EPAS1: variants seen among roughly 807,000 people sequenced by gnomAD.
EPAS1 encodes endothelial PAS domain-containing protein 1.
Under a neutral mutation model 87.9 loss-of-function variants are expected in EPAS1, and 23 were observed. That is an observed-to-expected ratio of 0.26 (90% CI 0.19 to 0.37). The LOEUF is 0.37. Ranked by LOEUF, EPAS1 falls within the 10% of genes least tolerant of loss-of-function variation. EPAS1 has a pLI of 1.00. For synonymous variants in EPAS1, 508 were observed against 444.3 expected (o/e 1.14, Z -1.80); for missense variants, 1,138 against 1,120.7 (o/e 1.02, Z -0.22).
At chr2:46,351,224 G>A (rs1684138243) in intron 2 of EPAS1, among the ~76,000 whole-genome samples, 1 of 152,210 alleles carries the variant, frequency 6.6e-6, no homozygotes, top group Non-Finnish European at 1.5e-5. Flanking sequence ...TACTGACTTT[G>A]TTCAGATCAT....
Position 46,302,757 on chromosome 2 carries a change from A to G in EPAS1, c.26+4820A>G, listed in dbSNP as rs906814317. ...AGGAAAAAAAAAAAAAAAAAAAAAA[A>G]AGAGATACAAGGAAGCTTAAGTAAA... is the stretch of plus-strand genomic sequence containing the variant. On this transcript the variant is annotated intron_variant, in intron 1 of 15. Coordinates refer to ENST00000263734, the MANE Select transcript of EPAS1 (RefSeq NM_001430.5). 5.4e-4 allele frequency among the ~76,000 whole-genome samples: 77 copies of G among 143,536 alleles called. 2 individuals carry two copies. Among genetic ancestry groups the G allele is most frequent in the Admixed American group, 1.7e-3 (24 of 13,990 alleles). The allele number at this position is 143,536 out of a possible 152,430, so 94.2% of individuals were successfully genotyped here. A position where few individuals can be genotyped will look rare whatever the true frequency, so the allele number is the denominator to read the frequency against.
intron 2 of EPAS1, among the ~76,000 whole-genome samples, chr2:46,348,163 T>C (rs1418629860): frequency 2.0e-5 from 3 of 151,996 alleles, no homozygotes; most frequent in Admixed American, 6.6e-5. Context: ...TTTCAGAAAA[T>C]AGGACGACAG....
At chr2:46,313,162 G>C (rs375126628) in intron 1 of EPAS1, among the ~76,000 whole-genome samples, 2 of 152,188 alleles carry the variant, frequency 1.3e-5, no homozygotes, top group Non-Finnish European at 1.5e-5. Context: ...TGGGAAAAAG[G>C]CTTTGAGTGC....
chr2:46,383,383 C>T (rs945987996), intron 15 of EPAS1, among the ~76,000 whole-genome samples: 20 of 152,346 alleles, frequency 1.3e-4, no homozygotes, highest in Middle Eastern at 3.4e-3. Context: ...TTGACAGTAT[C>T]TTGTGAAACA....
At chr2:46,316,580 T>C (rs969249899) in intron 1 of EPAS1, among the ~76,000 whole-genome samples, 1 of 152,184 alleles carries the variant, frequency 6.6e-6, no homozygotes, top group African/African-American at 2.4e-5. Context: ...TATACCTTAA[T>C]TTAAAAATAT....
intron 4 of EPAS1, among the ~76,000 whole-genome samples, chr2:46,359,729 A>AC (rs1316302030): frequency 1.2e-4 from 18 of 152,230 alleles, no homozygotes; most frequent in African/African-American, 3.9e-4. Flanking sequence ...TATTCGAAAC[A>AC]AGGCTCTAGA....
intron 9 of EPAS1, among the ~76,000 whole-genome samples, chr2:46,377,007 C>T (rs1045896791): frequency 3.9e-5 from 6 of 152,178 alleles, no homozygotes; most frequent in Admixed American, 6.5e-5. Context: ...GAGGACACCC[C>T]CCTGAGGGTC....
Position 46,381,735 on chromosome 2 carries a change from C to G in EPAS1, c.2172+13C>G, listed in dbSNP as rs2103676247. On this transcript the variant is annotated intron_variant, in intron 13 of 15. Coordinates refer to ENST00000263734, the MANE Select transcript of EPAS1 (RefSeq NM_001430.5). ...GGACCTGAGCGGGGTGAGTCATCCC[C>G]ACTGGCCACAGGGGCCTCTCCATAG... 1 of 1,613,580 alleles carries G rather than the reference C, an allele frequency of 6.2e-7. No individual in the cohort carries two copies. Among genetic ancestry groups the G allele is most frequent in the Admixed American group, 1.7e-5 (1 of 60,016 alleles).
At chr2:46,303,367 G>A (rs1412091499) in intron 1 of EPAS1, among the ~76,000 whole-genome samples, 2 of 152,192 alleles carry the variant, frequency 1.3e-5, no homozygotes, top group East Asian at 1.9e-4. Context: ...GAGGGCTAAC[G>A]AGAGGAAAGA....
intron 4 of EPAS1, among the ~76,000 whole-genome samples, chr2:46,358,898 A>G (rs980270107): frequency 1.2e-4 from 19 of 152,166 alleles, no homozygotes; most frequent in African/African-American, 2.9e-4. Flanking sequence ...ACTTTATTCC[A>G]TAGACAATGG....
chr2:46,320,192 G>C (rs1683425981), intron 1 of EPAS1, among the ~76,000 whole-genome samples: 1 of 152,184 alleles, frequency 6.6e-6, no homozygotes, highest in Non-Finnish European at 1.5e-5. Context: ...AAAAGTTAAA[G>C]AGAGAAACTA....
At chr2:46,352,831 G>A (rs1288872176) in intron 2 of EPAS1, among the ~76,000 whole-genome samples, 3 of 152,160 alleles carry the variant, frequency 2.0e-5, no homozygotes, top group Admixed American at 6.5e-5. Context: ...GTTACCCTTC[G>A]TGGCCCTAGA....
intron 10 of EPAS1, 50 bp downstream of exon 10, chr2:46,378,137 A>T (rs1302662082): frequency 6.5e-7 from 1 of 1,549,682 alleles, no homozygotes; most frequent in East Asian, 2.4e-5. Context: ...CGTATGTATG[A>T]CTGCTGCCAG....
chr2:46,364,568 T>C (rs1684465313), intron 6 of EPAS1, among the ~76,000 whole-genome samples: 1 of 152,236 alleles, frequency 6.6e-6, no homozygotes, highest in Non-Finnish European at 1.5e-5. Context: ...TGTCCTCCTG[T>C]TAATGAGGGA....
intron 13 of EPAS1, 118 bp downstream of exon 13, chr2:46,381,840 C>T: frequency 1.3e-6 from 2 of 1,560,852 alleles, no homozygotes; most frequent in Non-Finnish European, 1.7e-6. Context: ...GAACCCAGGG[C>T]TGCTGAGAGG....
intron 1 of EPAS1, 31 bp downstream of exon 1, chr2:46,297,968 C>T (rs1208205354): frequency 1.2e-6 from 2 of 1,610,472 alleles, no homozygotes; most frequent in East Asian, 2.2e-5. Context: ...ATCAGGGGGC[C>T]GGTCCGAGGC....
intron 2 of EPAS1, among the ~76,000 whole-genome samples, chr2:46,353,822 C>T (rs146526355): frequency 5.5e-4 from 84 of 152,320 alleles, no homozygotes; most frequent in Admixed American, 3.1e-3. Context: ...CCAGGCTAGC[C>T]GCCTGAACCA....
chr2:46,375,582 C>A lies in EPAS1; in HGVS notation c.887-108C>A. ...GTCCTCACTGTCGTGGCGCCCTGTT[C>A]TGTCTGTTCCCCTGCAGATTAGACT... On this transcript the variant is annotated intron_variant, in intron 7 of 15. Coordinates refer to ENST00000263734, the MANE Select transcript of EPAS1 (RefSeq NM_001430.5). The surrounding 1 kb of genome is among the most constrained non-coding windows in gnomAD (Gnocchi z 4.1). 1 of 1,394,838 alleles carries A rather than the reference C, an allele frequency of 7.2e-7. No individual in the cohort carries two copies. The highest frequency in any genetic ancestry group is 1.2e-5 in the South Asian group (1 of 80,490). 86.4% of individuals were successfully genotyped at this position (1,394,838 alleles called of 1,614,324 possible).
At chr2:46,314,450 C>T (rs184495879) in intron 1 of EPAS1, among the ~76,000 whole-genome samples, 1 of 152,338 alleles carries the variant, frequency 6.6e-6, no homozygotes, top group East Asian at 1.9e-4. Context: ...CTGGCTATCT[C>T]TCCACTCAGA....
Sources: allele counts gnomAD v4.1 joint callset (sites outside exome capture counted in the v4.1 genomes callset), GRCh38; gene constraint gnomAD v4.1.1; non-coding constraint Gnocchi (gnomAD v3.1); transcripts MANE v1.5; gene names NCBI Gene and HGNC (gene_info 2026-07-23, HGNC 2026-07-21).